STK26: variants seen among roughly 807,000 people sequenced by gnomAD.
STK26 encodes the protein serine/threonine kinase 26.
A neutral mutation model predicts 34.7 loss-of-function variants in STK26; 14 were observed. The observed-to-expected ratio is 0.40, with a 90% CI of 0.27 to 0.63. The LOEUF is 0.63. STK26 is among the 30% of genes least tolerant of loss of function. The pLI, the probability that STK26 is intolerant of heterozygous loss-of-function variation, is 0.38. For synonymous variants in STK26, 100 were observed against 109.8 expected (o/e 0.91, Z 0.56); for missense variants, 226 against 309.1 (o/e 0.73, Z 2.02).
intron 2 of STK26, among the ~76,000 whole-genome samples, chrX:132,047,161 C>T (rs1478956628): frequency 1.8e-5 from 2 of 111,855 alleles, no homozygotes; most frequent in African/African-American, 6.5e-5. Flanking sequence ...CTAAGTATTT[C>T]ACTTCAGAAA....
intron 2 of STK26, among the ~76,000 whole-genome samples, chrX:132,025,692 G>T (rs1935086094): frequency 1.0e-5 from 1 of 96,520 alleles, no homozygotes; most frequent in Non-Finnish European, 2.0e-5. Context: ...TTAATGAAAT[G>T]GTAAATTCTT....
In STK26 at chrX:132,068,229, A is replaced by C. The variant is rs771913766; in HGVS notation, c.345A>C (p.Pro115=). The C allele has an allele frequency of 8.3e-7, 1 of 1,203,553 alleles. No homozygotes were observed. Among genetic ancestry groups the C allele is most frequent in the Admixed American group, 2.2e-5 (1 of 44,563 alleles). Residue 115 remains proline (P), a synonymous_variant, in exon 5 of 12, where the codon CCA becomes CCC. Transcript: ENST00000394334. ...GSALDLLRAG[P]FDEFQIATML... ...TTCCCCTTAAGCTTCGAGCTGGTCC[A>C]TTTGATGAGTTCCAGATTGCTACCA...
intron 3 of STK26, among the ~76,000 whole-genome samples, chrX:132,057,632 G>A (rs1462639866): frequency 9.0e-6 from 1 of 111,260 alleles, no homozygotes; most frequent in Non-Finnish European, 1.9e-5. Context: ...CTTTGTCATC[G>A]CTTTCCATCT....
At chrX:132,033,849 C>T (rs1301563836) in intron 2 of STK26, among the ~76,000 whole-genome samples, 8 of 110,646 alleles carry the variant, frequency 7.2e-5, no homozygotes, top group Non-Finnish European at 1.5e-4. Context: ...ATTTAGGAAT[C>T]TAACAATGCA....
At chrX:132,044,290 GC>G (rs1472939320) in intron 2 of STK26, among the ~76,000 whole-genome samples, 1 of 111,144 alleles carries the variant, frequency 9.0e-6, no homozygotes, top group Non-Finnish European at 1.9e-5. Flanking sequence ...TAAAATGTGT[GC>G]TCTAATGGAG....
intron 3 of STK26, among the ~76,000 whole-genome samples, chrX:132,059,877 G>T (rs900604860): frequency 1.8e-5 from 2 of 111,378 alleles, no homozygotes; most frequent in African/African-American, 6.5e-5. Flanking sequence ...AACTGTATGT[G>T]CTTACAGCCA....
intron 2 of STK26, among the ~76,000 whole-genome samples, chrX:132,047,453 G>T (rs1221086518): frequency 9.0e-6 from 1 of 111,312 alleles, no homozygotes; most frequent in Non-Finnish European, 1.9e-5. Flanking sequence ...AATTTGTGGG[G>T]GGTTTTAAAT....
At chrX:132,074,005 C>A in intron 11 of STK26, 130 bp from the exon 12 acceptor site, 1 of 508,108 alleles carries the variant, frequency 2.0e-6, no homozygotes, top group Non-Finnish European at 3.1e-6. Context: ...TTAACATCTA[C>A]ATGATAAGAT....
chrX:132,055,398 A>T (rs775222678), intron 3 of STK26: 128 of 961,037 alleles, frequency 1.3e-4, no homozygotes, highest in Non-Finnish European at 1.8e-4. Context: ...AAATGGAATT[A>T]AGTGGAATAA....
chrX:132,071,906 T>C lies in STK26; in HGVS notation c.933-362T>C, dbSNP rs754618804. Among the ~76,000 whole-genome samples, 9 of 111,734 alleles carry C rather than the reference T, an allele frequency of 8.1e-5. No homozygotes were observed. The South Asian group carries it at 3.4e-3, about 42-fold the overall frequency. On this transcript the variant is annotated intron_variant, in intron 8 of 11. Coordinates refer to ENST00000394334, the MANE Select transcript of STK26 (RefSeq NM_016542.4). ...AAGGGATAAAAAATATCAGAATAATTTGTGCCCTATTCTAATGGGTGTTAG... is the reference window on the plus strand; with the variant it reads ...AAGGGATAAAAAATATCAGAATAATCTGTGCCCTATTCTAATGGGTGTTAG...
At position 132,069,671 on chromosome X, in the gene STK26, T is replaced by C; in HGVS notation, c.783+8T>C. On this transcript the variant is annotated splice_region_variant and intron_variant, in intron 7 of 11. Coordinates refer to ENST00000394334, the MANE Select transcript of STK26 (RefSeq NM_016542.4). Reference sequence around the variant, plus strand: ...AACAAAGATCCATCATTTGTGAGTATATATTGCTATTATTACTATTTGTTT... The same window carrying C: ...AACAAAGATCCATCATTTGTGAGTACATATTGCTATTATTACTATTTGTTT... 7.7e-6 allele frequency: 8 copies of C among 1,034,955 alleles called. No homozygotes were observed. The highest frequency in any genetic ancestry group is 3.5e-5 in the East Asian group (1 of 28,635). 85.3% of individuals were successfully genotyped at this position (1,034,955 alleles called of 1,213,427 possible).
chrX:132,072,196 G>A, intron 8 of STK26, 72 bp from the exon 9 acceptor site: 3 of 794,286 alleles, frequency 3.8e-6, no homozygotes, highest in Non-Finnish European at 5.7e-6. Flanking sequence ...GATTCTACCT[G>A]CATTGATTTG....
chrX:132,033,444 G>A (rs913449290), intron 2 of STK26, among the ~76,000 whole-genome samples: 1 of 112,018 alleles, frequency 8.9e-6, no homozygotes, highest in Non-Finnish European at 1.9e-5. Flanking sequence ...ACAGCCTCAG[G>A]GAAATACGCA....
intron 2 of STK26, among the ~76,000 whole-genome samples, chrX:132,030,863 A>G (rs1377757511): frequency 9.0e-6 from 1 of 111,654 alleles, no homozygotes; most frequent in Non-Finnish European, 1.9e-5. Context: ...AATACACAGA[A>G]CTAAAATTTT....
chrX:132,068,704 T>G, intron 6 of STK26, 135 bp downstream of exon 6: 1 of 695,600 alleles, frequency 1.4e-6, no homozygotes, highest in Non-Finnish European at 2.0e-6. Flanking sequence ...CATATTTTGC[T>G]GCTTAATCAT....
At chrX:132,027,438 C>T (rs955183042) in intron 2 of STK26, among the ~76,000 whole-genome samples, 8 of 111,925 alleles carry the variant, frequency 7.1e-5, no homozygotes, top group Non-Finnish European at 1.5e-4. Flanking sequence ...GTATTAAATG[C>T]CTTTTCAAGT....
At chrX:132,046,094 TG>T (rs1926489708) in intron 2 of STK26, among the ~76,000 whole-genome samples, 1 of 112,188 alleles carries the variant, frequency 8.9e-6, no homozygotes, top group African/African-American at 3.2e-5. Flanking sequence ...TGTGGTTAAG[TG>T]ACAATAGAAT....
chrX:132,075,437 A>T lies in STK26; in HGVS notation c.*1278A>T, dbSNP rs1040822667. 4 of 111,740 alleles carry T rather than the reference A, an allele frequency of 3.6e-5. No homozygotes were observed. The highest frequency in any genetic ancestry group is 1.3e-4 in the African/African-American group (4 of 30,817). The allele number at this position is 111,740 out of a possible 1,213,427, so 9.2% of individuals were successfully genotyped here. ...TTTGGTTTTTGCACAAAAGTCATTT[A>T]AAAAAATCTGAGTAATTGTCAAATA... On this transcript the variant is annotated 3_prime_UTR_variant, in exon 12 of 12. Coordinates refer to ENST00000394334, the MANE Select transcript of STK26 (RefSeq NM_016542.4).
At chrX:132,026,632 T>C (rs1436704053) in intron 2 of STK26, among the ~76,000 whole-genome samples, 1 of 112,600 alleles carries the variant, frequency 8.9e-6, no homozygotes, top group Non-Finnish European at 1.9e-5. Context: ...GAGCCTACAA[T>C]AGTATTTTTG....
Sources: allele counts gnomAD v4.1 joint callset (sites outside exome capture counted in the v4.1 genomes callset), GRCh38; gene constraint gnomAD v4.1.1; transcripts MANE v1.5; gene names NCBI Gene and HGNC (gene_info 2026-07-23, HGNC 2026-07-21).